Variants in CNTNAP2 observed in about 807,000 individuals in gnomAD.
CNTNAP2 encodes contactin-associated protein-like 2.
In CNTNAP2, 98 loss-of-function variants were observed where a neutral mutation model predicts 155.2. That is an observed-to-expected ratio of 0.63 (90% CI 0.54 to 0.75). The LOEUF (loss-of-function observed/expected upper bound fraction) is 0.75, where lower values mean the gene tolerates loss of function less well. CNTNAP2 is among the 30% of genes least tolerant of loss of function. The pLI, the probability that CNTNAP2 is intolerant of heterozygous loss-of-function variation, is 0.00. For synonymous variants in CNTNAP2, 651 were observed against 631.2 expected (o/e 1.03, Z -0.47); for missense variants, 1,727 against 1,688.1 (o/e 1.02, Z -0.40).
intron 18 of CNTNAP2, among the ~76,000 whole-genome samples, chr7:148,198,500 G>T (rs1795313114): frequency 6.6e-6 from 1 of 152,156 alleles, no homozygotes; most frequent in Non-Finnish European, 1.5e-5. Flanking sequence ...GTCTTCCACA[G>T]CTCCTGTAAA....
chr7:147,715,547 G>T (rs148532379), intron 13 of CNTNAP2, among the ~76,000 whole-genome samples: 2,511 of 151,994 alleles, frequency 0.017, 221 homozygotes, highest in Admixed American at 0.15. Flanking sequence ...ATTTTATGGG[G>T]TTTTTTTAGT....
rs549421340 is a variant in CNTNAP2 at position 147,535,380 on chromosome 7, A to AG, written c.1778-26757dup. ...GCACTGCAGCCTGAGCGAAAGAGTGAGACTCTGTCTCAGAAAAATAAAAAT... is the reference window on the plus strand; with the variant it reads ...GCACTGCAGCCTGAGCGAAAGAGTGAGGACTCTGTCTCAGAAAAATAAAAAT... On this transcript the variant is annotated intron_variant, in intron 11 of 23. Coordinates refer to ENST00000361727, the MANE Select transcript of CNTNAP2 (RefSeq NM_014141.6). Among the ~76,000 whole-genome samples, 32 of 152,294 alleles carry AG rather than the reference A, an allele frequency of 2.1e-4. No homozygotes were observed. In the South Asian group the frequency reaches 6.4e-3, roughly 31 times the overall value.
intron 21 of CNTNAP2, among the ~76,000 whole-genome samples, chr7:148,358,581 G>T (rs924044901): frequency 2.0e-5 from 3 of 152,168 alleles, no homozygotes; most frequent in African/African-American, 7.2e-5. Flanking sequence ...TGTAGAAACC[G>T]CAATTAGGGG....
intron 3 of CNTNAP2, chr7:146,915,803 A>G (rs1327166157): frequency 6.6e-6 from 1 of 152,002 alleles, no homozygotes; most frequent in Non-Finnish European, 1.5e-5. Flanking sequence ...ATTTAGATAC[A>G]CTTTATTTCT....
chr7:146,545,428 G>A lies in CNTNAP2; in HGVS notation c.98-228843G>A, dbSNP rs192792555. Among the ~76,000 whole-genome samples the A allele has an allele frequency of 3.3e-3, 508 of 151,834 alleles. 3 individuals carry two copies. Among genetic ancestry groups the A allele is most frequent in the African/African-American group, 0.012 (490 of 41,436 alleles). ...ACATAGGTATACACTTGTCACGGTG[G>A]TTGGCTGCACCCATCAACCCATCAT... On this transcript the variant is annotated intron_variant, in intron 1 of 23. Coordinates refer to ENST00000361727, the MANE Select transcript of CNTNAP2 (RefSeq NM_014141.6).
At chr7:147,000,582 C>A (rs1798402696) in intron 3 of CNTNAP2, among the ~76,000 whole-genome samples, 1 of 152,092 alleles carries the variant, frequency 6.6e-6, no homozygotes, top group Admixed American at 6.6e-5. Context: ...TGGTGTGATC[C>A]TTAAGCCCGT....
rs376644061 is a variant in CNTNAP2 at position 147,088,446 on chromosome 7, A to T, written c.551-19701A>T. ...TTCTAACCTTAAATTTTGAGGTTAC[A>T]ATCAGTTTAAATTTTAAGGTTTAAA... On this transcript the variant is annotated intron_variant, in intron 4 of 23. Coordinates refer to ENST00000361727, the MANE Select transcript of CNTNAP2 (RefSeq NM_014141.6). Among the ~76,000 whole-genome samples the T allele has an allele frequency of 8.8e-4, 134 of 152,334 alleles. 2 individuals carry two copies. The South Asian group carries it at 0.026, about 29-fold the overall frequency.
Position 147,705,087 on chromosome 7 carries a change from A to G in CNTNAP2, c.2098+65781A>G, listed in dbSNP as rs919754154. ...AGTTCTACTCTAATTTTTATTATGT[A>G]TTTCCTTCTATTAATTGGGGCTTTG... On this transcript the variant is annotated intron_variant, in intron 13 of 23. Transcript: ENST00000361727. Among the ~76,000 whole-genome samples the G allele has an allele frequency of 2.7e-5, 4 of 150,840 alleles. No homozygotes were observed. The South Asian group carries it at 8.4e-4, about 32-fold the overall frequency.
intron 10 of CNTNAP2, among the ~76,000 whole-genome samples, chr7:147,396,544 G>T (rs1796819805): frequency 1.3e-5 from 2 of 151,972 alleles, no homozygotes; most frequent in African/African-American, 4.8e-5. Flanking sequence ...GCAAACCTGG[G>T]GAGAAATTTT....
chr7:146,933,140 A>C (rs1796817696), intron 3 of CNTNAP2, among the ~76,000 whole-genome samples: 1 of 151,948 alleles, frequency 6.6e-6, no homozygotes, highest in Non-Finnish European at 1.5e-5. Context: ...GTCAATCCTA[A>C]GCCAAAAGAA....
intron 12 of CNTNAP2, among the ~76,000 whole-genome samples, chr7:147,610,747 G>A (rs1420370714): frequency 2.0e-5 from 3 of 151,908 alleles, no homozygotes; most frequent in Non-Finnish European, 2.9e-5. Flanking sequence ...TTTGTTGGTT[G>A]GTTTGTTTTG....
At chr7:146,476,900 G>A (rs6957237) in intron 1 of CNTNAP2, among the ~76,000 whole-genome samples, 4,250 of 152,132 alleles carry the variant, frequency 0.028, 195 homozygotes, top group African/African-American at 0.094. Flanking sequence ...ATACACTGCC[G>A]CTTCCCAAAA....
At chr7:147,020,944 T>C (rs1167876418) in intron 3 of CNTNAP2, among the ~76,000 whole-genome samples, 1 of 152,164 alleles carries the variant, frequency 6.6e-6, no homozygotes. Context: ...GCATTTCTTG[T>C]TACCATTTTT....
chr7:147,865,142 G>A (rs1402278060), intron 13 of CNTNAP2, among the ~76,000 whole-genome samples: 1 of 152,276 alleles, frequency 6.6e-6, no homozygotes, highest in Non-Finnish European at 1.5e-5. Context: ...AGGAAGGGCT[G>A]TTGAATTTTG....
At chr7:146,880,854 T>C (rs1314269465) in intron 3 of CNTNAP2, among the ~76,000 whole-genome samples, 4 of 152,162 alleles carry the variant, frequency 2.6e-5, no homozygotes, top group Non-Finnish European at 4.4e-5. Flanking sequence ...TGAAATATTA[T>C]CCTCATTAGA....
chr7:146,375,467 G>A (rs969103776), intron 1 of CNTNAP2, among the ~76,000 whole-genome samples: 3 of 152,136 alleles, frequency 2.0e-5, no homozygotes, highest in Non-Finnish European at 2.9e-5. Flanking sequence ...TGCTGTTTGC[G>A]GTGTGAATTA....
intron 1 of CNTNAP2, among the ~76,000 whole-genome samples, chr7:146,485,513 A>C (rs1302375554): frequency 6.6e-6 from 1 of 152,224 alleles, no homozygotes; most frequent in Non-Finnish European, 1.5e-5. Flanking sequence ...GATGGGTCTG[A>C]TTTCTGAACA....
At chr7:147,107,023 T>G (rs1270547189) in intron 4 of CNTNAP2, among the ~76,000 whole-genome samples, 2 of 152,196 alleles carry the variant, frequency 1.3e-5, no homozygotes, top group African/African-American at 4.8e-5. Context: ...ACCTAGAGGC[T>G]AGCTTTGTCC....
chr7:146,608,578 TCTC>T (rs1799084636), intron 1 of CNTNAP2, among the ~76,000 whole-genome samples: 1 of 152,160 alleles, frequency 6.6e-6, no homozygotes, highest in African/African-American at 2.4e-5. Context: ...AAAATGTATT[TCTC>T]CTCATATTTC....
Sources: allele counts gnomAD v4.1 joint callset (sites outside exome capture counted in the v4.1 genomes callset), GRCh38; gene constraint gnomAD v4.1.1; transcripts MANE v1.5; gene names NCBI Gene and HGNC (gene_info 2026-07-23, HGNC 2026-07-21).